NREP: variants seen among roughly 807,000 people sequenced by gnomAD.
NREP encodes the protein neuronal regeneration related protein, also known as neuronal regeneration-related protein.
A neutral mutation model predicts 8.6 loss-of-function variants in NREP; 5 were observed. The observed-to-expected ratio is 0.58, with a 90% confidence interval of 0.30 to 1.22. The LOEUF (loss-of-function observed/expected upper bound fraction) is 1.22. Ranked by LOEUF, NREP falls within the 50% of genes most tolerant of loss-of-function variation. The pLI, the probability that NREP is intolerant of heterozygous loss-of-function variation, is 0.07. For missense variants in NREP, 86 were observed against 82.5 expected, an observed-to-expected ratio of 1.04 and a Z score of -0.17; for synonymous variants, 27 against 28.0, an observed-to-expected ratio of 0.96 and a Z score of 0.11.
intron 2 of NREP, among the ~76,000 whole-genome samples, chr5:111,906,552 A>T (rs1754783823): frequency 6.6e-6 from 1 of 152,050 alleles, no homozygotes; most frequent in African/African-American, 2.4e-5. Flanking sequence ...AAATAAACTA[A>T]TTTTTACCTT....
At chr5:111,864,925 A>G (rs988714200) in intron 2 of NREP, among the ~76,000 whole-genome samples, 2 of 152,198 alleles carry the variant, frequency 1.3e-5, no homozygotes, top group East Asian at 3.8e-4. Flanking sequence ...GTGTAGGCAA[A>G]GAAATACTAA....
chr5:111,812,314 C>T (rs1193391067), intron 2 of NREP, among the ~76,000 whole-genome samples: 1 of 151,914 alleles, frequency 6.6e-6, no homozygotes, highest in African/African-American at 2.4e-5. Context: ...AACAAACAAA[C>T]AATCAAACTT....
intron 2 of NREP, among the ~76,000 whole-genome samples, chr5:111,885,732 T>C (rs2112524291): frequency 6.6e-6 from 1 of 152,354 alleles, no homozygotes; most frequent in Admixed American, 6.5e-5. Flanking sequence ...AAGGATTCCC[T>C]ATTTAATAAA....
chr5:111,933,624 T>C (rs1755603409), intron 2 of NREP, among the ~76,000 whole-genome samples: 1 of 152,014 alleles, frequency 6.6e-6, no homozygotes. Context: ...TCCCCAAACT[T>C]TCAAATTCCA....
chr5:111,815,828 A>G (rs911045997), intron 2 of NREP, among the ~76,000 whole-genome samples: 3 of 152,190 alleles, frequency 2.0e-5, no homozygotes, highest in African/African-American at 7.2e-5. Context: ...AACCCCATGT[A>G]AGAAAAGTTC....
intron 2 of NREP, among the ~76,000 whole-genome samples, chr5:111,855,374 GTAAT>G (rs142661573): frequency 6.6e-6 from 1 of 152,272 alleles, no homozygotes; most frequent in Non-Finnish European, 1.5e-5. Flanking sequence ...GTCGGCACAG[GTAAT>G]TAATCAATGT....
chr5:111,851,275 C>G (rs1753302635), intron 2 of NREP, among the ~76,000 whole-genome samples: 5 of 152,122 alleles, frequency 3.3e-5, no homozygotes, highest in Admixed American at 3.3e-4. Flanking sequence ...GGCACTGTTC[C>G]AGCCACTTAC....
intron 2 of NREP, among the ~76,000 whole-genome samples, chr5:111,930,650 T>C (rs1188251654): frequency 6.6e-6 from 1 of 152,156 alleles, no homozygotes. Context: ...AGCTGTTAAT[T>C]GCAAGCCCAG....
intron 2 of NREP, among the ~76,000 whole-genome samples, chr5:111,921,946 T>C (rs1229884156): frequency 1.3e-5 from 2 of 152,090 alleles, no homozygotes; most frequent in Non-Finnish European, 2.9e-5. Context: ...AGAAGTACAT[T>C]TCACCCCCTG....
intron 2 of NREP, among the ~76,000 whole-genome samples, chr5:111,781,619 G>C (rs559468358): frequency 1.3e-5 from 2 of 152,248 alleles, no homozygotes; most frequent in East Asian, 3.9e-4. Flanking sequence ...AGGATAATTT[G>C]TTATGCTACA....
chr5:111,860,931 A>C (rs1753529765), intron 2 of NREP, among the ~76,000 whole-genome samples: 2 of 152,188 alleles, frequency 1.3e-5, no homozygotes, highest in Non-Finnish European at 1.5e-5. Context: ...AGTGGGATAA[A>C]GATGGTGTTC....
chr5:111,808,076 A>G (rs919969153), intron 2 of NREP, among the ~76,000 whole-genome samples: 2 of 152,200 alleles, frequency 1.3e-5, no homozygotes, highest in African/African-American at 4.8e-5. Context: ...GTCTGGTCAC[A>G]TACACATAGT....
chr5:111,936,554 T>C (rs533344987), intron 2 of NREP, among the ~76,000 whole-genome samples: 1 of 152,062 alleles, frequency 6.6e-6, no homozygotes, highest in Non-Finnish European at 1.5e-5. Flanking sequence ...TATGACCTCA[T>C]CTTAAATATT....
At chr5:111,742,540 T>G (rs1423135480) in intron 2 of NREP, among the ~76,000 whole-genome samples, 1 of 152,090 alleles carries the variant, frequency 6.6e-6, no homozygotes, top group African/African-American at 2.4e-5. Flanking sequence ...TTTTAAAATT[T>G]CATTTCTAAG....
At chr5:111,917,587 A>C (rs1404292096) in intron 2 of NREP, among the ~76,000 whole-genome samples, 1 of 152,202 alleles carries the variant, frequency 6.6e-6, no homozygotes, top group Admixed American at 6.5e-5. Flanking sequence ...TCCATCACAT[A>C]AACAGAACCA....
rs200630609 is a variant in NREP at position 111,961,877 on chromosome 5, A to AT, written c.135+13396dup. Among the ~76,000 whole-genome samples, 5 of 152,210 alleles carry AT rather than the reference A, an allele frequency of 3.3e-5. No individual in the cohort carries two copies. The East Asian group carries it at 9.6e-4, about 29-fold the overall frequency. On this transcript the variant is annotated intron_variant, in intron 2 of 3. Coordinates refer to the NREP transcript ENST00000395634. ...ACGCCATTTATTTTATTCTACCTGG[A>AT]TTTTGAAATCATGTAGAATTATAAC...
At chr5:111,881,525 C>T (rs990975950) in intron 2 of NREP, among the ~76,000 whole-genome samples, 1 of 152,206 alleles carries the variant, frequency 6.6e-6, no homozygotes, top group Non-Finnish European at 1.5e-5. Context: ...CAGACTGCCT[C>T]CTCAAGTGGG....
At chr5:111,869,683 A>G (rs1158081843) in intron 2 of NREP, among the ~76,000 whole-genome samples, 1 of 152,204 alleles carries the variant, frequency 6.6e-6, no homozygotes, top group African/African-American at 2.4e-5. Flanking sequence ...AGGAGAAGCA[A>G]TGGATTTGCT....
intron 2 of NREP, among the ~76,000 whole-genome samples, chr5:111,949,163 G>A (rs1330917372): frequency 6.6e-6 from 1 of 151,972 alleles, no homozygotes; most frequent in East Asian, 1.9e-4. Context: ...GGCCAACCAA[G>A]GCAATTAAAG....
Sources: gnomAD v4.1 joint callset for allele counts (sites outside exome capture counted in the v4.1 genomes callset) on GRCh38, gnomAD v4.1.1 for gene constraint, MANE v1.5 for transcripts, NCBI Gene and HGNC (gene_info 2026-07-23, HGNC 2026-07-21) for gene names.